Variants in ADAMTS7 observed in about 807,000 individuals in gnomAD.
ADAMTS7 encodes ADAM metallopeptidase with thrombospondin type 1 motif 7, also known as A disintegrin and metalloproteinase with thrombospondin motifs 7.
Under a neutral mutation model 172.6 loss-of-function variants are expected in ADAMTS7, and 89 were observed. That is an observed-to-expected ratio of 0.52 (90% CI 0.43 to 0.61). The LOEUF (loss-of-function observed/expected upper bound fraction) is 0.61, where lower values mean the gene tolerates loss of function less well. Among genes scored for constraint, ADAMTS7 ranks in the 20% least tolerant of loss-of-function variants. The pLI is 0.00. For synonymous variants in ADAMTS7, 885 were observed against 978.4 expected (o/e 0.90, Z 1.78); for missense variants, 1,973 against 2,355.6 (o/e 0.84, Z 3.36).
intron 1 of ADAMTS7, among the ~76,000 whole-genome samples, chr15:78,804,229 T>C (rs1232395338): frequency 1.3e-5 from 2 of 152,226 alleles, no homozygotes; most frequent in African/African-American, 4.8e-5. Context: ...TTCCCCATCA[T>C]TAATGTGAAA....
intron 6 of ADAMTS7, 44 bp downstream of exon 6, chr15:78,790,626 C>T: frequency 6.2e-7 from 1 of 1,607,024 alleles, no homozygotes; most frequent in Non-Finnish European, 8.5e-7. Flanking sequence ...GGCCGGGAAG[C>T]ACCTCCTGAG....
At chr15:78,762,773 C>G (rs1409756645) in intron 22 of ADAMTS7, among the ~76,000 whole-genome samples, 1 of 152,258 alleles carries the variant, frequency 6.6e-6, no homozygotes, top group Non-Finnish European at 1.5e-5. Flanking sequence ...GTGGGATCGG[C>G]TCCTGCAGAG....
chr15:78,773,285 G>T lies in ADAMTS7; in HGVS notation c.2011-82C>A. ...CAGCCCCGGGGCCAGCCAGAGTCAG[G>T]AGAAGAAAGCTGGGAGTTGGGGTCG... On this transcript the variant is annotated intron_variant, in intron 13 of 23. Coordinates refer to ENST00000388820, the MANE Select transcript of ADAMTS7 (RefSeq NM_014272.5). 3.0e-6 allele frequency: 4 copies of T among 1,328,872 alleles called. 1 individual carries two copies. The highest frequency in any genetic ancestry group is 2.1e-5 in the Admixed American group (1 of 48,642). The allele number at this position is 1,328,872 out of a possible 1,614,324, so 82.3% of individuals were successfully genotyped here.
chr15:78,773,879 G>A lies in ADAMTS7; in HGVS notation c.2010+288C>T, dbSNP rs377024111. On this transcript the variant is annotated intron_variant, in intron 13 of 23. Coordinates refer to ENST00000388820, the MANE Select transcript of ADAMTS7 (RefSeq NM_014272.5). The stretch of plus-strand genomic sequence containing the variant: ...GTTTCCTGGCTGGGGCGGTGCTGGT[G>A]CAGGCATCCAGGGAGACGCAGGGGG... Among the ~76,000 whole-genome samples, 620 of 152,346 alleles carry A rather than the reference G, an allele frequency of 4.1e-3. 5 individuals are homozygous for A. Among genetic ancestry groups the A allele is most frequent in the South Asian group, 0.017 (81 of 4,832 alleles).
In ADAMTS7 at chr15:78,771,883, C is replaced by T. The variant is rs1195105543; in HGVS notation, c.2132-54G>A. On this transcript the variant is annotated intron_variant, in intron 14 of 23. Transcript: ENST00000388820. The surrounding 1 kb of genome is among the most constrained non-coding windows in gnomAD (Gnocchi z 4.9). ...TGCCCAGGGTGAGAGGGTTGCTTAT[C>T]CCCACCCGCTCCCCTCATGTCTCTC... The T allele has an allele frequency of 1.3e-6, 2 of 1,574,408 alleles. No individual in the cohort carries two copies. Among genetic ancestry groups the T allele is most frequent in the Non-Finnish European group, 8.6e-7 (1 of 1,164,958 alleles).
chr15:78,762,893 T>C (rs1466456512), intron 22 of ADAMTS7, among the ~76,000 whole-genome samples: 2 of 152,162 alleles, frequency 1.3e-5, no homozygotes, highest in East Asian at 1.9e-4. Context: ...GGAGCCCTGA[T>C]GCAGCAGTGG....
chr15:78,787,050 G>A (rs547434415), intron 8 of ADAMTS7, among the ~76,000 whole-genome samples: 2 of 152,100 alleles, frequency 1.3e-5, no homozygotes, highest in South Asian at 2.1e-4. Context: ...TTACTTTATT[G>A]TAAGAATACA....
intron 4 of ADAMTS7, among the ~76,000 whole-genome samples, chr15:78,794,161 C>T (rs1226553103): frequency 6.6e-6 from 1 of 152,294 alleles, no homozygotes; most frequent in Admixed American, 6.5e-5. Context: ...ATCACTTGAA[C>T]CCAGGAAGCG....
In ADAMTS7 at chr15:78,800,483, G is replaced by C. The variant is rs1345075204; in HGVS notation, c.165C>G (p.Gly55=). Residue 55 remains glycine, a synonymous_variant, in exon 2 of 24, where the codon GGC becomes GGG. Coordinates refer to ENST00000388820, the MANE Select transcript of ADAMTS7 (RefSeq NM_014272.5). The stretch of plus-strand genomic sequence containing the variant: ...GCCACAGCTCGTAGGACAGGAAGGA[G>C]CCCCCCGCGTCGACTCGAACCGGGT... ...IVHPVRVDAG[G]SFLSYELWPR... is the part of the protein sequence containing the mutation. 2.5e-6 allele frequency: 4 copies of C among 1,610,052 alleles called. No homozygotes were observed. The highest frequency in any genetic ancestry group is 1.3e-5 in the African/African-American group (1 of 74,894).
chr15:78,786,175 C>T (rs547380382), intron 8 of ADAMTS7, among the ~76,000 whole-genome samples: 1 of 151,982 alleles, frequency 6.6e-6, no homozygotes, highest in East Asian at 1.9e-4. Flanking sequence ...AGTGATCCAC[C>T]TGCCTCAGCC....
intron 23 of ADAMTS7, 58 bp downstream of exon 23, chr15:78,762,345 C>T (rs2055058116): frequency 3.7e-6 from 5 of 1,348,494 alleles, no homozygotes; most frequent in South Asian, 1.8e-5. Flanking sequence ...CCCCATTTCC[C>T]CATCACCCTC....
At position 78,774,038 on chromosome 15, in the gene ADAMTS7, AC is replaced by A. The variant is rs954832217; in HGVS notation, c.2010+128del. On this transcript the variant is annotated intron_variant, in intron 13 of 23. Transcript: ENST00000388820. ...GGTGGCCCGAGGAGGACCAGGAGGG[AC>A]CCAGGAGAGAACCTGGGGCCCGCCA... is the stretch of plus-strand genomic sequence containing the variant. 2.1e-6 allele frequency: 3 copies of A among 1,418,118 alleles called. No homozygotes were observed. The African/African-American group carries it at 4.3e-5, about 20-fold the overall frequency. The allele number at this position is 1,418,118 out of a possible 1,614,324, so 87.8% of individuals were successfully genotyped here. A position where few individuals can be genotyped will look rare whatever the true frequency, so the allele number is the denominator to read the frequency against.
At chr15:78,810,557 G>A (rs1471402358) in intron 1 of ADAMTS7, 1 of 152,346 alleles carries the variant, frequency 6.6e-6, no homozygotes, top group Non-Finnish European at 1.5e-5. Flanking sequence ...GGGGAAGGGA[G>A]AGGCAGGAAG....
Position 78,767,140 on chromosome 15 carries a change from C to T in ADAMTS7, c.2860-89G>A, listed in dbSNP as rs571527280. ...AAGGCTGGGTAACCTGTCCACTGCC[C>T]GATGTCAGAGTGGCAGAGACCCCAG... On this transcript the variant is annotated intron_variant, in intron 18 of 23. Transcript: ENST00000388820. 8.2e-5 allele frequency: 114 copies of T among 1,388,338 alleles called. No individual in the cohort carries two copies. The East Asian group carries it at 2.1e-3, about 25-fold the overall frequency. 86.0% of individuals were successfully genotyped at this position (1,388,338 alleles called of 1,614,324 possible).
At chr15:78,803,639 G>A (rs1416114162) in intron 1 of ADAMTS7, among the ~76,000 whole-genome samples, 2 of 152,204 alleles carry the variant, frequency 1.3e-5, no homozygotes, top group Non-Finnish European at 2.9e-5. Context: ...TTTTAGTAGA[G>A]ACGGGGTTTT....
At chr15:78,782,002 C>A (rs1475188934) in intron 8 of ADAMTS7, among the ~76,000 whole-genome samples, 1 of 152,084 alleles carries the variant, frequency 6.6e-6, no homozygotes, top group African/African-American at 2.4e-5. Context: ...AACTTGTCTG[C>A]CAACACAGGT....
At chr15:78,782,739 C>T (rs2055445674) in intron 8 of ADAMTS7, among the ~76,000 whole-genome samples, 1 of 152,008 alleles carries the variant, frequency 6.6e-6, no homozygotes, top group South Asian at 2.1e-4. Flanking sequence ...CGGAAAGGCT[C>T]AGGAATGGAG....
intron 19 of ADAMTS7, 70 bp from the exon 20 acceptor site, chr15:78,764,777 C>T (rs2055113610): frequency 7.1e-7 from 1 of 1,408,208 alleles, no homozygotes; most frequent in Non-Finnish European, 9.2e-7. Flanking sequence ...CAGGAAACTA[C>T]CCACCTAGGC....
At chr15:78,798,560 C>A (rs1037822132) in intron 2 of ADAMTS7, among the ~76,000 whole-genome samples, 2 of 152,176 alleles carry the variant, frequency 1.3e-5, no homozygotes, top group African/African-American at 4.8e-5. Flanking sequence ...GGCTTCTGAC[C>A]TTCCCTCTAT....
Sources: gnomAD v4.1 joint callset for allele counts (sites outside exome capture counted in the v4.1 genomes callset) on GRCh38, gnomAD v4.1.1 for gene constraint, Gnocchi (gnomAD v3.1) non-coding constraint, MANE v1.5 for transcripts, NCBI Gene and HGNC (gene_info 2026-07-23, HGNC 2026-07-21) for gene names.